Variants in MACROD2 observed in about 807,000 individuals in gnomAD.
The protein encoded by MACROD2 is ADP-ribose glycohydrolase MACROD2.
In MACROD2, 36 loss-of-function variants were observed where a neutral mutation model predicts 70.4. The observed-to-expected ratio is 0.51, with a 90% CI of 0.39 to 0.68. The LOEUF is 0.68. Ranked by LOEUF, MACROD2 falls within the 30% of genes least tolerant of loss-of-function variation. The pLI, the probability that MACROD2 is intolerant of heterozygous loss-of-function variation, is 0.00. For missense variants in MACROD2, 496 were observed against 538.4 expected, an observed-to-expected ratio of 0.92 and a Z score of 0.78; for synonymous variants, 172 against 178.8, an observed-to-expected ratio of 0.96 and a Z score of 0.30.
intron 4 of MACROD2, among the ~76,000 whole-genome samples, chr20:14,626,667 A>G (rs1183373243): frequency 6.6e-6 from 1 of 152,184 alleles, no homozygotes; most frequent in African/African-American, 2.4e-5. Flanking sequence ...CCCAGAGACC[A>G]GCAGGCAAGG....
At chr20:14,967,384 G>T (rs2074647673) in intron 5 of MACROD2, among the ~76,000 whole-genome samples, 1 of 152,020 alleles carries the variant, frequency 6.6e-6, no homozygotes, top group African/African-American at 2.4e-5. Context: ...GACTGGTCTC[G>T]AATTCCTGAA....
intron 6 of MACROD2, among the ~76,000 whole-genome samples, chr20:15,349,055 G>C (rs1269597021): frequency 1.3e-5 from 2 of 152,016 alleles, no homozygotes; most frequent in Non-Finnish European, 2.9e-5. Flanking sequence ...TCCTTCACAG[G>C]ACAGAAGCAT....
chr20:15,932,190 C>T (rs939311908), intron 10 of MACROD2, among the ~76,000 whole-genome samples: 1 of 152,168 alleles, frequency 6.6e-6, no homozygotes, highest in African/African-American at 2.4e-5. Flanking sequence ...GCCCTTCATG[C>T]TCCCCACACA....
At chr20:14,044,667 G>A (rs1448046711) in intron 2 of MACROD2, among the ~76,000 whole-genome samples, 1 of 152,062 alleles carries the variant, frequency 6.6e-6, no homozygotes, top group African/African-American at 2.4e-5. Flanking sequence ...TACAAACCCT[G>A]AGCTAGATAC....
chr20:14,302,651 T>G (rs1055812439), intron 3 of MACROD2, among the ~76,000 whole-genome samples: 7 of 150,708 alleles, frequency 4.6e-5, no homozygotes, highest in Non-Finnish European at 1.5e-5. Flanking sequence ...CTTGGAAGTG[T>G]TTTTTTTGTT....
intron 10 of MACROD2, among the ~76,000 whole-genome samples, chr20:15,905,157 T>C (rs994245510): frequency 2.0e-5 from 3 of 152,204 alleles, no homozygotes; most frequent in African/African-American, 7.2e-5. Flanking sequence ...AATATTTCCA[T>C]CCTTAATTCA....
intron 4 of MACROD2, among the ~76,000 whole-genome samples, chr20:14,663,102 A>G (rs1488973622): frequency 1.3e-5 from 2 of 152,072 alleles, no homozygotes; most frequent in African/African-American, 4.8e-5. Flanking sequence ...TCAGTGGTAG[A>G]CTCGATAAAG....
At chr20:14,243,945 A>G (rs1475531378) in intron 3 of MACROD2, among the ~76,000 whole-genome samples, 2 of 152,224 alleles carry the variant, frequency 1.3e-5, no homozygotes, top group Admixed American at 1.3e-4. Context: ...CAAAAACTAC[A>G]TCTACCTAGA....
chr20:15,897,149 T>C lies in MACROD2; in HGVS notation c.775+11338T>C, dbSNP rs73614481. On this transcript the variant is annotated intron_variant, in intron 10 of 17. Transcript: ENST00000684519. ...GTGAAAGTCTCTCAGGCCTTATTTG[T>C]CTGAAAATGGTATTATTTTGCATTA... Among the ~76,000 whole-genome samples, 590 of 152,306 alleles carry C rather than the reference T, an allele frequency of 3.9e-3. 2 individuals carry two copies. The highest frequency in any genetic ancestry group is 0.023 in the South Asian group (113 of 4,824).
chr20:15,223,364 A>G (rs1317066982), intron 5 of MACROD2, among the ~76,000 whole-genome samples: 4 of 152,180 alleles, frequency 2.6e-5, no homozygotes, highest in African/African-American at 7.2e-5. Context: ...GGGAAATAAC[A>G]TCACTTTCAC....
chr20:14,561,216 T>G (rs2123291488), intron 4 of MACROD2, among the ~76,000 whole-genome samples: 1 of 152,008 alleles, frequency 6.6e-6, no homozygotes, highest in African/African-American at 2.4e-5. Flanking sequence ...CAATTGTTTA[T>G]AATCTAAAGT....
At chr20:15,817,082 A>G (rs976080315) in intron 8 of MACROD2, among the ~76,000 whole-genome samples, 3 of 152,228 alleles carry the variant, frequency 2.0e-5, no homozygotes, top group African/African-American at 7.2e-5. Context: ...TGTGGGCTCA[A>G]TTAACATGTC....
intron 5 of MACROD2, among the ~76,000 whole-genome samples, chr20:14,742,281 T>A (rs2087354214): frequency 6.6e-6 from 1 of 152,232 alleles, no homozygotes; most frequent in South Asian, 2.1e-4. Flanking sequence ...AGGAGACAAT[T>A]TCTGAAAATG....
rs79570068 is a variant in MACROD2 at position 14,917,714 on chromosome 20, GA to G, written c.418+232757del. On this transcript the variant is annotated intron_variant, in intron 5 of 17. Transcript: ENST00000684519. ...GGACAGACATCCACGAAACCCAAAA[GA>G]AGAAAAAAATTCAAGAAAGACTGGT... 7.2e-5 allele frequency among the ~76,000 whole-genome samples: 11 copies of G among 152,108 alleles called. No homozygotes were observed. The East Asian group carries it at 2.1e-3, about 29-fold the overall frequency.
At chr20:14,796,125 G>A (rs2072507205) in intron 5 of MACROD2, among the ~76,000 whole-genome samples, 1 of 152,092 alleles carries the variant, frequency 6.6e-6, no homozygotes, top group Admixed American at 6.6e-5. Flanking sequence ...TGTCAAGTCT[G>A]AGGAAGAACT....
intron 5 of MACROD2, among the ~76,000 whole-genome samples, chr20:14,899,796 A>G (rs557120476): frequency 6.6e-6 from 1 of 152,306 alleles, no homozygotes; most frequent in South Asian, 2.1e-4. Context: ...CATTTCTGGA[A>G]GAAACAAAAA....
At chr20:14,057,275 C>A (rs925694580) in intron 2 of MACROD2, among the ~76,000 whole-genome samples, 1 of 152,088 alleles carries the variant, frequency 6.6e-6, no homozygotes, top group Non-Finnish European at 1.5e-5. Flanking sequence ...AGATTGATAA[C>A]CTGGACTGTT....
At chr20:14,370,888 G>A (rs2122745083) in intron 3 of MACROD2, among the ~76,000 whole-genome samples, 1 of 152,240 alleles carries the variant, frequency 6.6e-6, no homozygotes, top group East Asian at 1.9e-4. Context: ...AAACATTATA[G>A]TGTAAATGTG....
chr20:15,033,168 G>A (rs1008045762), intron 5 of MACROD2, among the ~76,000 whole-genome samples: 2 of 152,148 alleles, frequency 1.3e-5, no homozygotes, highest in Non-Finnish European at 2.9e-5. Flanking sequence ...GCACAAAACC[G>A]TGGATGTAAT....
Sources: gnomAD v4.1 joint callset for allele counts (sites outside exome capture counted in the v4.1 genomes callset) on GRCh38, gnomAD v4.1.1 for gene constraint, MANE v1.5 for transcripts, NCBI Gene and HGNC (gene_info 2026-07-23, HGNC 2026-07-21) for gene names.